PADI3: variants seen among roughly 807,000 people sequenced by gnomAD.
The protein encoded by PADI3 is peptidyl arginine deiminase 3, also known as protein-arginine deiminase type-3.
A neutral mutation model predicts 71.5 loss-of-function variants in PADI3; 53 were observed. The ratio of observed to expected loss-of-function variants is 0.74; its 90% confidence interval spans 0.59 to 0.93. The LOEUF (loss-of-function observed/expected upper bound fraction) is 0.93, where lower values mean the gene tolerates loss of function less well. Ranked by LOEUF, PADI3 falls within the 40% of genes least tolerant of loss-of-function variation. PADI3 has a pLI of 0.00. For missense variants in PADI3, 821 were observed against 868.0 expected (o/e 0.95, Z 0.68); for synonymous variants, 361 against 347.5 (o/e 1.04, Z -0.43).
Position 17,262,158 on chromosome 1 carries a change from A to G in PADI3, c.299A>G (p.His100Arg). The change falls in exon 3 of 16, where the codon CAT (histidine) becomes CGT (arginine). Residue 100 changes from histidine (H) to arginine (R), a missense_variant. By Grantham distance (29) the His-to-Arg change is conservative. Transcript: ENST00000375460. ...GTTCAGATTTCCTACCACTCCAGCC[A>G]TGAGCCTCTGCCCCTGGCCTATGCG... ...SHVQISYHSSHEPLPLAYAVL... is the reference protein window; with the variant it reads ...SHVQISYHSSREPLPLAYAVL... 1.2e-6 allele frequency: 2 copies of G among 1,613,620 alleles called. No individual in the cohort carries two copies. The highest frequency in any genetic ancestry group is 2.2e-5 in the East Asian group (1 of 44,814).
chr1:17,280,272 G>T (rs1197483405), intron 13 of PADI3, 78 bp from the exon 14 acceptor site: 1 of 1,135,982 alleles, frequency 8.8e-7, no homozygotes, highest in Non-Finnish European at 1.3e-6. Context: ...CTTGGCTCCT[G>T]CCTGTCTGCT....
intron 15 of PADI3, among the ~76,000 whole-genome samples, chr1:17,281,448 T>G (rs1168908561): frequency 5.0e-5 from 1 of 19,902 alleles, no homozygotes; most frequent in Non-Finnish European, 1.5e-4. Flanking sequence ...TTTTCTTTTT[T>G]TCTTTTTTTT....
At chr1:17,282,402 G>T (rs1368472955) in intron 15 of PADI3, among the ~76,000 whole-genome samples, 2 of 152,024 alleles carry the variant, frequency 1.3e-5, no homozygotes, top group South Asian at 2.1e-4. Context: ...TGTTCCTGGG[G>T]ACAAAGATGA....
In PADI3 at chr1:17,271,383, C is replaced by T. The variant is rs546254420; in HGVS notation, c.1047+205C>T. ...CTGGATTCAACACCCATTCACCCAC[C>T]GGATCTGGGCTAGGCACTAGGCTAG... On this transcript the variant is annotated intron_variant, in intron 9 of 15. Transcript: ENST00000375460. Among the ~76,000 whole-genome samples the T allele has an allele frequency of 5.9e-5, 9 of 152,290 alleles. No homozygotes were observed. The East Asian group carries it at 7.7e-4, about 13-fold the overall frequency.
At chr1:17,266,193 C>T (rs2073166185) in intron 4 of PADI3, among the ~76,000 whole-genome samples, 1 of 152,180 alleles carries the variant, frequency 6.6e-6, no homozygotes, top group Non-Finnish European at 1.5e-5. Flanking sequence ...ATGTGCTGAT[C>T]CTGACCTAGG....
intron 3 of PADI3, among the ~76,000 whole-genome samples, chr1:17,264,164 C>G (rs1434469592): frequency 6.6e-6 from 1 of 152,172 alleles, no homozygotes; most frequent in Non-Finnish European, 1.5e-5. Flanking sequence ...TTTTGCCAAT[C>G]AGTTGGCATT....
intron 4 of PADI3, among the ~76,000 whole-genome samples, chr1:17,266,010 G>T (rs1481634313): frequency 1.3e-5 from 2 of 152,206 alleles, no homozygotes; most frequent in Non-Finnish European, 1.5e-5. Flanking sequence ...AACTTTTTCC[G>T]TGAAAAGTCA....
rs556608592 is a variant in PADI3 at position 17,250,073 on chromosome 1, T to C, written c.92+844T>C. On this transcript the variant is annotated intron_variant, in intron 1 of 15. Transcript: ENST00000375460. ...TCTCTCTCTTAGGAAGAAAAGAGGG[T>C]TAGGGTAGGGTTTTAAGAGCTGGGC... 6.6e-5 allele frequency among the ~76,000 whole-genome samples: 10 copies of C among 151,588 alleles called. 2 individuals carry two copies. The highest frequency in any genetic ancestry group is 2.2e-4 in the African/African-American group (9 of 41,254).
intron 13 of PADI3, among the ~76,000 whole-genome samples, chr1:17,278,428 CGT>C (rs1243997006): frequency 6.6e-6 from 1 of 152,088 alleles, no homozygotes; most frequent in African/African-American, 2.4e-5. Context: ...GGAGTCTCAC[CGT>C]GTTGCCCAGG....
At chr1:17,262,056 C>A in intron 2 of PADI3, 77 bp from the exon 3 acceptor site, 2 of 1,316,056 alleles carry the variant, frequency 1.5e-6, no homozygotes, top group Non-Finnish European at 2.2e-6. Context: ...CCCTCCTTAC[C>A]AGATCCCCGA....
At chr1:17,278,984 AGACTCC>A (rs2073368078) in intron 13 of PADI3, among the ~76,000 whole-genome samples, 1 of 152,218 alleles carries the variant, frequency 6.6e-6, no homozygotes. Context: ...CACCCTAACT[AGACTCC>A]GGTGAACCTA....
At chr1:17,269,821 G>A (rs184219888) in intron 6 of PADI3, among the ~76,000 whole-genome samples, 81 of 152,212 alleles carry the variant, frequency 5.3e-4, no homozygotes, top group African/African-American at 1.9e-3. Context: ...GTTTCACTAT[G>A]TTAGCCAGGC....
chr1:17,250,564 A>G (rs1354701123), intron 1 of PADI3, among the ~76,000 whole-genome samples: 2 of 152,182 alleles, frequency 1.3e-5, no homozygotes, highest in Non-Finnish European at 2.9e-5. Context: ...GAGGGAACCA[A>G]GTCGGGAGCA....
intron 3 of PADI3, among the ~76,000 whole-genome samples, chr1:17,263,703 T>G (rs2073130092): frequency 1.3e-5 from 2 of 152,146 alleles, no homozygotes; most frequent in Non-Finnish European, 2.9e-5. Flanking sequence ...AGTCAAACTG[T>G]GAACTAGGAG....
At chr1:17,260,112 G>T (rs1220721904) in intron 2 of PADI3, among the ~76,000 whole-genome samples, 1 of 152,100 alleles carries the variant, frequency 6.6e-6, no homozygotes, top group African/African-American at 2.4e-5. Flanking sequence ...TGCTGAGTTG[G>T]GTCTCAGTTT....
chr1:17,260,427 C>T (rs2073089203), intron 2 of PADI3, among the ~76,000 whole-genome samples: 1 of 152,020 alleles, frequency 6.6e-6, no homozygotes, highest in Admixed American at 6.5e-5. Flanking sequence ...ATGTCAGGAG[C>T]GATGTTTCAG....
intron 6 of PADI3, among the ~76,000 whole-genome samples, chr1:17,269,332 C>G (rs1311209597): frequency 6.6e-6 from 1 of 152,174 alleles, no homozygotes; most frequent in Admixed American, 6.5e-5. Context: ...ATTTATTGAG[C>G]TCTACTTCAT....
chr1:17,257,785 T>C (rs1408782245), intron 1 of PADI3, among the ~76,000 whole-genome samples: 1 of 152,202 alleles, frequency 6.6e-6, no homozygotes, highest in Non-Finnish European at 1.5e-5. Context: ...CTGTGGAAAT[T>C]TGGGGTAGTC....
At chr1:17,270,848 G>T in intron 7 of PADI3, 31 bp from the exon 8 acceptor site, 1 of 1,542,662 alleles carries the variant, frequency 6.5e-7, no homozygotes, top group Non-Finnish European at 9.0e-7. Flanking sequence ...TCCAAGTCCA[G>T]TGCTCTTTCT....
Sources: gnomAD v4.1 joint callset for allele counts (sites outside exome capture counted in the v4.1 genomes callset) on GRCh38, gnomAD v4.1.1 for gene constraint, MANE v1.5 for transcripts, NCBI Gene and HGNC (gene_info 2026-07-23, HGNC 2026-07-21) for gene names.